Variants in TACC2 observed in about 807,000 individuals in gnomAD.
TACC2 encodes transforming acidic coiled-coil containing protein 2.
In TACC2, 137 loss-of-function variants were observed where a neutral mutation model predicts 227.3. That is an observed-to-expected ratio of 0.60 (90% confidence interval 0.52 to 0.69). TACC2 has a LOEUF of 0.69. Ranked by LOEUF, TACC2 falls within the 30% of genes least tolerant of loss-of-function variation. The pLI is 0.00. For missense variants in TACC2, 3,470 were observed against 3,694.4 expected, an observed-to-expected ratio of 0.94 and a Z score of 1.57; for synonymous variants, 1,523 against 1,487.5, an observed-to-expected ratio of 1.02 and a Z score of -0.55.
At chr10:122,166,288 A>G (rs2093158789) in intron 7 of TACC2, among the ~76,000 whole-genome samples, 1 of 151,742 alleles carries the variant, frequency 6.6e-6, no homozygotes, top group Non-Finnish European at 1.5e-5. Context: ...TGACTGAAGG[A>G]TTTTTTTTTA....
intron 2 of TACC2, chr10:122,033,109 T>A (rs1959175933): frequency 7.8e-7 from 1 of 1,289,412 alleles, no homozygotes; most frequent in Non-Finnish European, 1.0e-6. Flanking sequence ...GGACTCCGTC[T>A]TGCATAACGT....
intron 1 of TACC2, among the ~76,000 whole-genome samples, chr10:121,994,968 G>T (rs1156301097): frequency 1.3e-5 from 2 of 152,140 alleles, no homozygotes; most frequent in South Asian, 4.1e-4. Context: ...GTGAAATAAG[G>T]AGTTGCGCTG....
Position 122,084,325 on chromosome 10 carries a change from G to T in TACC2, c.1825G>T (p.Glu609Ter). ...GGCTTTCAGCAGCAAGCGTGATCCA[G>T]AAGTAGGCAAAGATGAGCTTTCAAA... ...SQAFSSKRDP[E>*]VGKDELSKPS... Residue 609 changes from glutamate (E) to a stop codon, truncating the protein, a stop_gained, in exon 4 of 23, where the codon GAA (glutamate) becomes TAA (stop). Transcript: ENST00000369005. LOFTEE classifies it high-confidence loss of function. 1 of 1,613,934 alleles carries T rather than the reference G, an allele frequency of 6.2e-7. No homozygotes were observed. Among genetic ancestry groups the T allele is most frequent in the Non-Finnish European group, 8.5e-7 (1 of 1,180,054 alleles).
intron 5 of TACC2, among the ~76,000 whole-genome samples, chr10:122,117,634 C>T (rs575893465): frequency 2.0e-4 from 31 of 152,208 alleles, no homozygotes; most frequent in Non-Finnish European, 3.5e-4. Flanking sequence ...TGGCTCATCT[C>T]AGGTTATTTA....
At chr10:122,225,645 G>T (rs537093810) in intron 12 of TACC2, among the ~76,000 whole-genome samples, 1 of 152,194 alleles carries the variant, frequency 6.6e-6, no homozygotes, top group African/African-American at 2.4e-5. Context: ...GGGAACTGTC[G>T]TGTGTTTTGA....
chr10:122,122,080 G>T (rs1384072043), intron 5 of TACC2, among the ~76,000 whole-genome samples: 1 of 152,224 alleles, frequency 6.6e-6, no homozygotes, highest in Non-Finnish European at 1.5e-5. Flanking sequence ...TGTTAGCCAG[G>T]CGCGGTGGCT....
Position 122,211,721 on chromosome 10 carries a change from G to A in TACC2, c.7283+13G>A, listed in dbSNP as rs751151375. The A allele has an allele frequency of 3.9e-6, 6 of 1,532,322 alleles. No homozygotes were observed. Among genetic ancestry groups the A allele is most frequent in the South Asian group, 1.3e-5 (1 of 76,074 alleles). 94.9% of individuals were successfully genotyped at this position (1,532,322 alleles called of 1,614,324 possible). On this transcript the variant is annotated intron_variant, in intron 9 of 22. Coordinates refer to ENST00000369005, the MANE Select transcript of TACC2 (RefSeq NM_206862.4). The stretch of plus-strand genomic sequence containing the variant: ...CGCCCCTAAAGACGTAAGTTCAGGG[G>A]TGGAGGTGGTAAGGATCAGAGGCGG...
At chr10:122,096,336 T>C (rs559662957) in intron 5 of TACC2, among the ~76,000 whole-genome samples, 1 of 152,262 alleles carries the variant, frequency 6.6e-6, no homozygotes, top group East Asian at 1.9e-4. Flanking sequence ...ATGAACTGGC[T>C]CCTGACAGCA....
intron 13 of TACC2, among the ~76,000 whole-genome samples, chr10:122,226,921 A>G (rs941882774): frequency 2.6e-5 from 4 of 152,202 alleles, no homozygotes; most frequent in African/African-American, 9.6e-5. Flanking sequence ...ACTGTGGCCC[A>G]GCATTCAAAG....
intron 1 of TACC2, among the ~76,000 whole-genome samples, chr10:122,001,177 T>A (rs1808310401): frequency 6.6e-6 from 1 of 152,210 alleles, no homozygotes; most frequent in Non-Finnish European, 1.5e-5. Flanking sequence ...AATATTAAAG[T>A]ATGTATTTTG....
At chr10:122,249,465 C>T (rs933865537) in intron 21 of TACC2, 79 bp from the exon 22 acceptor site, 1 of 1,562,730 alleles carries the variant, frequency 6.4e-7, no homozygotes, top group African/African-American at 1.3e-5. Context: ...GGCCACTCTC[C>T]CTGCCTGGAC....
chr10:122,113,346 C>G (rs747270295), intron 5 of TACC2: 6 of 152,294 alleles, frequency 3.9e-5, no homozygotes, highest in Non-Finnish European at 8.8e-5. Context: ...TCGGCTTTCC[C>G]CGGCAGGGAC....
At chr10:122,198,199 G>C (rs2094642960) in intron 8 of TACC2, among the ~76,000 whole-genome samples, 1 of 152,248 alleles carries the variant, frequency 6.6e-6, no homozygotes, top group Non-Finnish European at 1.5e-5. Context: ...GGCCAGAGCA[G>C]TCCCATGAGC....
intron 11 of TACC2, 59 bp from the exon 12 acceptor site, chr10:122,224,667 C>T: frequency 1.3e-6 from 2 of 1,522,084 alleles, no homozygotes; most frequent in Non-Finnish European, 1.8e-6. Flanking sequence ...CATTTTTTTC[C>T]TCTGGCACTA....
intron 5 of TACC2, among the ~76,000 whole-genome samples, chr10:122,130,306 T>A (rs2087799308): frequency 6.6e-6 from 1 of 151,954 alleles, no homozygotes; most frequent in Admixed American, 6.6e-5. Context: ...AGACTCCCCC[T>A]TCTTCATCTG....
chr10:122,223,504 A>C (rs2095563123), intron 11 of TACC2, among the ~76,000 whole-genome samples: 1 of 152,160 alleles, frequency 6.6e-6, no homozygotes, highest in African/African-American at 2.4e-5. Flanking sequence ...TTTAATCACA[A>C]AACTGTCTTC....
chr10:122,097,453 G>A (rs1037644920), intron 5 of TACC2, among the ~76,000 whole-genome samples: 11 of 152,034 alleles, frequency 7.2e-5, no homozygotes, highest in African/African-American at 1.9e-4. Context: ...GGCAGGGTGC[G>A]CCTAGCAAGG....
chr10:122,178,825 AGTG>A (rs1300021757), intron 7 of TACC2, among the ~76,000 whole-genome samples: 2 of 152,174 alleles, frequency 1.3e-5, no homozygotes, highest in Admixed American at 1.3e-4. Context: ...GGCTGCAGTG[AGTG>A]GTGATCAGGC....
intron 18 of TACC2, among the ~76,000 whole-genome samples, chr10:122,239,698 C>T (rs1035974800): frequency 3.9e-5 from 6 of 152,116 alleles, no homozygotes; most frequent in Admixed American, 2.0e-4. Flanking sequence ...AGTGCTTATT[C>T]GTGGTTTGAG....
Sources: gnomAD v4.1 joint callset for allele counts (sites outside exome capture counted in the v4.1 genomes callset) on GRCh38, gnomAD v4.1.1 for gene constraint, MANE v1.5 for transcripts, NCBI Gene and HGNC (gene_info 2026-07-23, HGNC 2026-07-21) for gene names.